The following LARP4B variants were observed in gnomAD, a reference collection of about 807,000 sequenced individuals.
The protein encoded by LARP4B is la-related protein 4B.
In LARP4B, 12 loss-of-function variants were observed where a neutral mutation model predicts 89.8. The ratio of observed to expected loss-of-function variants is 0.13; its 90% CI spans 0.09 to 0.22. The LOEUF (loss-of-function observed/expected upper bound fraction) is 0.22, where lower values mean the gene tolerates loss of function less well. Among genes scored for constraint, LARP4B ranks in the 10% least tolerant of loss-of-function variants. The probability of loss-of-function intolerance (pLI) is 1.00; values close to 1 mark genes in which losing one functional copy is unlikely to be tolerated. For missense variants in LARP4B, 757 were observed against 947.7 expected (o/e 0.80, Z 2.64); for synonymous variants, 367 against 363.3 (o/e 1.01, Z -0.12).
chr10:909,405 C>A (rs1419969842), intron 1 of LARP4B, among the ~76,000 whole-genome samples: 1 of 151,810 alleles, frequency 6.6e-6, no homozygotes, highest in Non-Finnish European at 1.5e-5. Context: ...CACCTGCAGA[C>A]CAGAATTGTT....
chr10:812,839 A>T lies in LARP4B; in HGVS notation c.*87T>A. The T allele has an allele frequency of 7.9e-7, 1 of 1,270,498 alleles. No homozygotes were observed. Among genetic ancestry groups the T allele is most frequent in the Non-Finnish European group, 1.0e-6 (1 of 970,666 alleles). 78.7% of individuals were successfully genotyped at this position (1,270,498 alleles called of 1,614,324 possible). Reference sequence around the variant, plus strand: ...AGGCCTCAGACACTGCAAGCTCCTAACCAGCGGCTCGCCCTCGCACTGAGT... The same window carrying T: ...AGGCCTCAGACACTGCAAGCTCCTATCCAGCGGCTCGCCCTCGCACTGAGT... On this transcript the variant is annotated 3_prime_UTR_variant, in exon 18 of 18. Transcript: ENST00000316157.
the LARP4B span, among the ~76,000 whole-genome samples, chr10:977,814 G>C: frequency 9.1e-4 from 139 of 152,212 alleles, no homozygotes; most frequent in South Asian, 7.7e-3. Flanking sequence ...ACTGATTTGG[G>C]TGTCCACAGG....
At chr10:909,739 C>T (rs1836616453) in intron 1 of LARP4B, among the ~76,000 whole-genome samples, 1 of 151,754 alleles carries the variant, frequency 6.6e-6, no homozygotes, top group Non-Finnish European at 1.5e-5. Flanking sequence ...GAGCTGAGAT[C>T]GCGCCACTGC....
At chr10:859,188 A>G (rs1834464100) in intron 5 of LARP4B, among the ~76,000 whole-genome samples, 1 of 151,840 alleles carries the variant, frequency 6.6e-6, no homozygotes, top group South Asian at 2.1e-4. Context: ...CTGAGGCAGG[A>G]GAATTGCTTG....
chr10:817,730 C>A lies in LARP4B; in HGVS notation c.1690G>T (p.Glu564Ter). The stretch of plus-strand genomic sequence containing the variant: ...ACATGCAATATATCCCTTACCCTTT[C>A]TTTGGATGGTCCTATTATCAAGCTA... ...LSSLIIGPSK[E>*]RTLSADASVN... Residue 564 changes from glutamate to a stop codon, truncating the protein, a stop_gained, in exon 15 of 18, where the codon GAA becomes TAA. Transcript: ENST00000316157. LOFTEE classifies it high-confidence loss of function. 1 of 1,614,020 alleles carries A rather than the reference C, an allele frequency of 6.2e-7. No individual in the cohort carries two copies.
chr10:885,715 A>T lies in LARP4B; in HGVS notation c.7T>A (p.Ser3Thr). ...GCCACAACCTTAGCGTCCTGATCAG[A>T]AGTCATGGGCTCCACTGGGAGAAGT... is the stretch of plus-strand genomic sequence containing the variant. The part of the protein sequence containing the change: MT[S>T]DQDAKVVAEP... Residue 3 changes from serine to threonine, a missense_variant, in exon 2 of 18, where the codon TCT becomes ACT. Around this residue, in one of 5 missense-constraint regions of LARP4B, gnomAD observed 175 missense variants for 187.0 expected, o/e 0.94. Coordinates refer to ENST00000316157, the MANE Select transcript of LARP4B (RefSeq NM_015155.3). The T allele has an allele frequency of 6.2e-7, 1 of 1,613,940 alleles. No individual in the cohort carries two copies. The highest frequency in any genetic ancestry group is 8.5e-7 in the Non-Finnish European group (1 of 1,179,878).
the LARP4B span, among the ~76,000 whole-genome samples, chr10:939,467 G>A: frequency 2.0e-5 from 3 of 152,210 alleles, no homozygotes; most frequent in Non-Finnish European, 2.9e-5. Context: ...GCCCTGAAAC[G>A]GCTTCCTGAA....
intron 5 of LARP4B, among the ~76,000 whole-genome samples, chr10:851,845 G>A (rs1161944521): frequency 6.6e-6 from 1 of 152,026 alleles, no homozygotes; most frequent in South Asian, 2.1e-4. Context: ...TGAGCGGATC[G>A]CTTGAGCTCA....
chr10:980,061 G>T, the LARP4B span, among the ~76,000 whole-genome samples: 17 of 152,276 alleles, frequency 1.1e-4, no homozygotes, highest in Admixed American at 2.6e-4. Flanking sequence ...GGCACTACAG[G>T]CCCCAGGCAA....
chr10:810,717 G>A lies in LARP4B; in HGVS notation c.*2209C>T, dbSNP rs568650702. 2.6e-4 allele frequency: 40 copies of A among 152,342 alleles called. No individual in the cohort carries two copies. Among genetic ancestry groups the A allele is most frequent in the African/African-American group, 9.4e-4 (39 of 41,578 alleles). 9.4% of individuals were successfully genotyped at this position (152,342 alleles called of 1,614,324 possible). ...AGCGAAGATGCAGCTCGTAGGCCCA[G>A]GCCTCGAGGTTGCCTCCCAGCTTTC... On this transcript the variant is annotated 3_prime_UTR_variant, in exon 18 of 18. Transcript: ENST00000316157.
chr10:975,116 A>G, the LARP4B span, among the ~76,000 whole-genome samples: 1 of 152,230 alleles, frequency 6.6e-6, no homozygotes, highest in South Asian at 2.1e-4. Flanking sequence ...AGTCACTTAC[A>G]TAAAAATTTG....
intron 3 of LARP4B, among the ~76,000 whole-genome samples, chr10:864,580 C>T (rs1054191170): frequency 1.3e-5 from 2 of 152,178 alleles, no homozygotes; most frequent in African/African-American, 4.8e-5. Flanking sequence ...CTGGTGACTT[C>T]CTAGACTCCT....
chr10:868,118 T>C (rs138107005), intron 3 of LARP4B, among the ~76,000 whole-genome samples: 1 of 151,882 alleles, frequency 6.6e-6, no homozygotes, highest in East Asian at 1.9e-4. Context: ...TAACTACCGA[T>C]ACGAGACAGA....
At chr10:902,253 G>A (rs1836364852) in intron 1 of LARP4B, among the ~76,000 whole-genome samples, 1 of 152,126 alleles carries the variant, frequency 6.6e-6, no homozygotes, top group Non-Finnish European at 1.5e-5. Context: ...CTAATACTTG[G>A]TTGTAAAGAA....
rs190748017 is a variant in LARP4B, at chr10:908,837, G to A, written c.-40+22591C>T. Among the ~76,000 whole-genome samples, 310 of 152,276 alleles carry A rather than the reference G, an allele frequency of 2.0e-3. 2 individuals are homozygous for A. The highest frequency in any genetic ancestry group is 0.014 in the Middle Eastern group (4 of 294). ...TCATCTACAAACAAGAAAAGGAAAC[G>A]TCAAGGAGTGCAGGCTGCAGCACGG... is the stretch of plus-strand genomic sequence containing the variant. On this transcript the variant is annotated intron_variant, in intron 1 of 17. Transcript: ENST00000316157.
intron 7 of LARP4B, 54 bp from the exon 8 acceptor site, chr10:836,560 C>T: frequency 1.8e-6 from 2 of 1,138,662 alleles, no homozygotes; most frequent in Admixed American, 1.7e-5. Flanking sequence ...ATATGATATG[C>T]CAGTGGAATG....
Position 814,810 on chromosome 10 carries a change from C to T in LARP4B, c.1861G>A (p.Val621Met), listed in dbSNP as rs1243425721. 6.2e-6 allele frequency: 10 copies of T among 1,600,982 alleles called. No individual in the cohort carries two copies. The highest frequency in any genetic ancestry group is 8.5e-6 in the Non-Finnish European group (10 of 1,170,044). ...GTGAGGGCGGAAGGAAGTCTGTCCA[C>T]ACTGTGGGTTTCCCTCTGTTTCTCC... The part of the protein sequence containing the change: ...VAEKQRETHS[V>M]DRLPSALTAT... Residue 621 changes from valine to methionine, a missense_variant, in exon 17 of 18, where the codon GTG becomes ATG. Val to Met is a conservative substitution (Grantham distance 21). Transcript: ENST00000316157. The surrounding 1 kb of genome is among the most constrained non-coding windows in gnomAD (Gnocchi z 4.4).
At chr10:859,389 T>C (rs1371138318) in intron 5 of LARP4B, among the ~76,000 whole-genome samples, 1 of 152,118 alleles carries the variant, frequency 6.6e-6, no homozygotes, top group East Asian at 1.9e-4. Flanking sequence ...TGGAAAACTG[T>C]ATGGTGATTC....
intron 5 of LARP4B, among the ~76,000 whole-genome samples, chr10:848,285 C>A (rs1833878106): frequency 6.6e-6 from 1 of 152,200 alleles, no homozygotes; most frequent in East Asian, 1.9e-4. Flanking sequence ...AAGGATCACA[C>A]TGTTTCCAAG....
Sources: gnomAD v4.1 joint callset for allele counts (sites outside exome capture counted in the v4.1 genomes callset) on GRCh38, gnomAD v4.1.1 for gene constraint, gnomAD v4.1.1 regional missense constraint, Gnocchi (gnomAD v3.1) non-coding constraint, MANE v1.5 for transcripts, NCBI Gene and HGNC (gene_info 2026-07-23, HGNC 2026-07-21) for gene names.